The following DENND6A variants were observed in gnomAD, a reference collection of about 807,000 sequenced individuals.
DENND6A encodes the protein DENN domain containing 6A.
In DENND6A, 43 loss-of-function variants were observed where a neutral mutation model predicts 95.5. That is an observed-to-expected ratio of 0.45 (90% CI 0.35 to 0.58). DENND6A has a LOEUF of 0.58. Among genes scored for constraint, DENND6A ranks in the 20% least tolerant of loss-of-function variants. The pLI is 0.00. For synonymous variants in DENND6A, 257 were observed against 260.4 expected, an observed-to-expected ratio of 0.99 and a Z score of 0.13; for missense variants, 574 against 736.0, an observed-to-expected ratio of 0.78 and a Z score of 2.55.
At chr3:57,692,685 A>T (rs2077280314) in intron 1 of DENND6A, 97 bp downstream of exon 1, 1 of 1,146,224 alleles carries the variant, frequency 8.7e-7, no homozygotes, top group Non-Finnish European at 1.2e-6. Flanking sequence ...TGCGCCGCGG[A>T]CAGGGTCCTG....
chr3:57,675,763 C>T (rs1488226613), intron 1 of DENND6A, among the ~76,000 whole-genome samples: 1 of 152,176 alleles, frequency 6.6e-6, no homozygotes, highest in Non-Finnish European at 1.5e-5. Flanking sequence ...CCAACCTGAC[C>T]TCCTTAGGAG....
chr3:57,661,016 G>A (rs921022495), intron 6 of DENND6A, among the ~76,000 whole-genome samples, 177 bp from the exon 7 acceptor site: 1 of 152,134 alleles, frequency 6.6e-6, no homozygotes, highest in African/African-American at 2.4e-5. Flanking sequence ...ATTTCACTCA[G>A]AAATACACAT....
chr3:57,681,631 AAAAAAAGAAAGAAAGAAAG>A (rs1482081261), intron 1 of DENND6A, among the ~76,000 whole-genome samples: 3 of 151,630 alleles, frequency 2.0e-5, no homozygotes, highest in Non-Finnish European at 2.9e-5. Flanking sequence ...TAAAAAAAAA[AAAAAAAGAAAGAAAGAAAG>A]AAAAAAGAAA....
At chr3:57,679,447 T>G (rs959982697) in intron 1 of DENND6A, 1 of 977,126 alleles carries the variant, frequency 1.0e-6, no homozygotes, top group African/African-American at 1.8e-5. Context: ...CAATTTTTTC[T>G]TTAAAGCCCA....
chr3:57,691,689 A>ACC (rs2077266759), intron 1 of DENND6A, among the ~76,000 whole-genome samples: 1 of 151,148 alleles, frequency 6.6e-6, no homozygotes, highest in African/African-American at 2.4e-5. Context: ...AAAAAAAAAA[A>ACC]AAAACCAAAA....
intron 1 of DENND6A, among the ~76,000 whole-genome samples, chr3:57,682,014 T>C (rs1048783176): frequency 2.0e-5 from 3 of 152,160 alleles, no homozygotes; most frequent in East Asian, 3.8e-4. Flanking sequence ...AATGGAAACA[T>C]AGACACAATA....
At chr3:57,643,500 G>A (rs1371536310) in intron 11 of DENND6A, among the ~76,000 whole-genome samples, 1 of 152,060 alleles carries the variant, frequency 6.6e-6, no homozygotes, top group African/African-American at 2.4e-5. Flanking sequence ...TCATTAACAT[G>A]GGGTATTAAC....
At chr3:57,633,918 A>C (rs1001811470) in intron 14 of DENND6A, among the ~76,000 whole-genome samples, 3 of 152,082 alleles carry the variant, frequency 2.0e-5, no homozygotes, top group African/African-American at 7.2e-5. Context: ...GTTCACTATA[A>C]AGACAATCTT....
In DENND6A at chr3:57,628,837, G is replaced by A; in HGVS notation, c.1669C>T (p.Leu557Phe). 6.2e-7 allele frequency: 1 copy of A among 1,612,730 alleles called. No homozygotes were observed. The highest frequency in any genetic ancestry group is 8.5e-7 in the Non-Finnish European group (1 of 1,179,698). Residue 557 changes from leucine to phenylalanine, a missense_variant, in exon 19 of 20, where the codon CTT becomes TTT. Leu to Phe is a conservative substitution (Grantham distance 22). Coordinates refer to ENST00000311128, the MANE Select transcript of DENND6A (RefSeq NM_152678.3). ...QKHTEVETVD[L>F]VLKLKNKLLQ... ...AGCTTATTTTTCAGCTTCAAGACAA[G>A]GTCTACTGTTTCTACTTCTGTGTGT...
Position 57,628,195 on chromosome 3 carries a change from T to A in DENND6A, c.*19A>T. ...TTCATGATGCATAATCCTTTTTGGC[T>A]GGAAAATCTTGGCAAATATCATGTC... On this transcript the variant is annotated 3_prime_UTR_variant, in exon 20 of 20. Transcript: ENST00000311128. The A allele has an allele frequency of 6.2e-7, 1 of 1,608,472 alleles. No homozygotes were observed. Among genetic ancestry groups the A allele is most frequent in the Non-Finnish European group, 8.5e-7 (1 of 1,177,288 alleles).
intron 3 of DENND6A, 96 bp downstream of exon 3, chr3:57,672,160 T>C: frequency 8.6e-7 from 1 of 1,158,132 alleles, no homozygotes. Flanking sequence ...CTGTTTGCAA[T>C]CTAATATGCT....
Position 57,661,504 on chromosome 3 carries a change from A to T in DENND6A, c.561T>A (p.Thr187=). The T allele has an allele frequency of 6.3e-7, 1 of 1,582,980 alleles. No homozygotes were observed. Among genetic ancestry groups the T allele is most frequent in the African/African-American group, 1.4e-5 (1 of 72,918 alleles). ...ACTCTGGTGCTATCTGTTTGAGCAC[A>T]GTGTGAAAAAAATGAATATAAGGTA... ...SKLPYIHFFH[T]VLKQIAPEYF... The change falls in exon 6 of 20, where the codon ACT becomes ACA. Residue 187 remains threonine (T), a synonymous_variant. Transcript: ENST00000311128.
At position 57,630,585 on chromosome 3, in the gene DENND6A, C is replaced by A. The variant is rs1033152318; in HGVS notation, c.1518-62G>T. On this transcript the variant is annotated intron_variant, in intron 17 of 19. Transcript: ENST00000311128. ...ATAACTTATTTCCTTTCCTCAATAC[C>A]TTTCCTAGTCAGAGAACCATGTCAA... 22 of 1,527,132 alleles carry A rather than the reference C, an allele frequency of 1.4e-5. No homozygotes were observed. In the Admixed American group the frequency reaches 3.2e-4, roughly 22 times the overall value. The allele number at this position is 1,527,132 out of a possible 1,614,324, so 94.6% of individuals were successfully genotyped here. A position where few individuals can be genotyped will look rare whatever the true frequency, so the allele number is the denominator to read the frequency against.
intron 11 of DENND6A, among the ~76,000 whole-genome samples, chr3:57,644,894 G>T (rs1434633474): frequency 6.7e-6 from 1 of 148,870 alleles, no homozygotes; most frequent in Non-Finnish European, 1.5e-5. Context: ...GGGTATTGAT[G>T]ATCTGGCAAG....
At chr3:57,676,495 G>C (rs1437905264) in intron 1 of DENND6A, among the ~76,000 whole-genome samples, 1 of 151,510 alleles carries the variant, frequency 6.6e-6, no homozygotes, top group African/African-American at 2.4e-5. Flanking sequence ...ACACATGCCA[G>C]TGGAGATGTT....
chr3:57,662,165 GTTTC>G (rs1293165981), intron 5 of DENND6A, among the ~76,000 whole-genome samples: 8 of 112,658 alleles, frequency 7.1e-5, no homozygotes, highest in Non-Finnish European at 1.4e-4. Flanking sequence ...CTTTATTTTT[GTTTC>G]TTTCTTTTCT....
chr3:57,634,072 C>T (rs1341477574), intron 14 of DENND6A, among the ~76,000 whole-genome samples: 1 of 152,088 alleles, frequency 6.6e-6, no homozygotes, highest in Admixed American at 6.6e-5. Flanking sequence ...TGTGTAGCTA[C>T]AGCCCCAAAT....
intron 18 of DENND6A, 61 bp from the exon 19 acceptor site, chr3:57,628,946 T>C (rs1428791714): frequency 6.9e-7 from 1 of 1,454,024 alleles, no homozygotes; most frequent in Non-Finnish European, 9.5e-7. Flanking sequence ...CCTCTCTATT[T>C]CAATAGGTAA....
chr3:57,632,011 C>T (rs1209934104), intron 15 of DENND6A, among the ~76,000 whole-genome samples: 25 of 141,892 alleles, frequency 1.8e-4, no homozygotes, highest in African/African-American at 3.4e-4. Flanking sequence ...CGTGAGCCAC[C>T]GCGCCCGGCC....
Sources: allele counts gnomAD v4.1 joint callset (sites outside exome capture counted in the v4.1 genomes callset), GRCh38; gene constraint gnomAD v4.1.1; transcripts MANE v1.5; gene names NCBI Gene and HGNC (gene_info 2026-07-23, HGNC 2026-07-21).